The following EIF4E2 variants were observed in gnomAD, a reference collection of about 807,000 sequenced individuals.
EIF4E2 encodes the protein eukaryotic translation initiation factor 4E type 2.
EIF4E2 carries 13 observed loss-of-function variants against 34.2 expected under a neutral mutation model. The ratio of observed to expected loss-of-function variants is 0.38; its 90% confidence interval spans 0.25 to 0.60. The LOEUF (loss-of-function observed/expected upper bound fraction) is 0.60. Ranked by LOEUF, EIF4E2 falls within the 20% of genes least tolerant of loss-of-function variation. The probability of loss-of-function intolerance (pLI) is 0.62; values close to 1 mark genes in which losing one functional copy is unlikely to be tolerated. For missense variants in EIF4E2, 222 were observed against 315.1 expected (o/e 0.70, Z 2.24); for synonymous variants, 100 against 106.6 (o/e 0.94, Z 0.38).
intron 6 of EIF4E2, chr2:232,574,379 T>TA: frequency 6.5e-7 from 1 of 1,542,880 alleles, no homozygotes; most frequent in Non-Finnish European, 8.8e-7. Flanking sequence ...CCCTGTGACA[T>TA]ACCTCTCATC....
rs186994629 is a variant in EIF4E2 at position 232,553,299 on chromosome 2, G to A, written c.20+2555G>A. 1.5e-4 allele frequency among the ~76,000 whole-genome samples: 23 copies of A among 152,218 alleles called. No individual in the cohort carries two copies. The East Asian group carries it at 3.7e-3, about 24-fold the overall frequency. Reference sequence around the variant, plus strand: ...TACACAACTGTACTTGATTTTGTCCGTATTCTACATCATTTGCTTTTTATT... The same window carrying A: ...TACACAACTGTACTTGATTTTGTCCATATTCTACATCATTTGCTTTTTATT... On this transcript the variant is annotated intron_variant, in intron 1 of 6. Transcript: ENST00000258416.
In EIF4E2 at chr2:232,569,022, C is replaced by T. The variant is rs1693027348; in HGVS notation, c.*5C>T. ...CCGCGGTTGAATGTGCCATGACCCT[C>T]TCCCTCTCTGGATGGCACCATCATT... is the stretch of plus-strand genomic sequence containing the variant. On this transcript the variant is annotated 3_prime_UTR_variant, in exon 7 of 7. Transcript: ENST00000258416. The T allele has an allele frequency of 6.2e-7, 1 of 1,613,922 alleles. No homozygotes were observed. Among genetic ancestry groups the T allele is most frequent in the South Asian group, 1.1e-5 (1 of 91,016 alleles).
rs1473183998 is a variant in EIF4E2, at chr2:232,567,672, C to T, written c.665+458C>T. ...TACTTATCAGGAATGACTCCATTTC[C>T]TTGTGTATAGAGCTGACTCTTAGAA... On this transcript the variant is annotated intron_variant, in intron 6 of 6. Coordinates refer to ENST00000258416, the MANE Select transcript of EIF4E2 (RefSeq NM_004846.4). 5.9e-6 allele frequency: 6 copies of T among 1,023,222 alleles called. No individual in the cohort carries two copies. The African/African-American group carries it at 8.6e-5, about 15-fold the overall frequency. The allele number at this position is 1,023,222 out of a possible 1,614,324, so 63.4% of individuals were successfully genotyped here.
intron 1 of EIF4E2, 59 bp downstream of exon 1, chr2:232,550,803 C>T (rs1692279929): frequency 6.8e-7 from 1 of 1,477,692 alleles, no homozygotes; most frequent in Non-Finnish European, 9.1e-7. Context: ...CCGCGCCCGC[C>T]CCCGCTGGGG....
Position 232,555,649 on chromosome 2 carries a change from C to G in EIF4E2, c.21-767C>G, listed in dbSNP as rs1007661567. ...TAAGACACTGCTCTAAGGGAACTCT[C>G]TCTCTAGTAGGGAAAGCAGACATGG... On this transcript the variant is annotated intron_variant, in intron 1 of 6. Coordinates refer to ENST00000258416, the MANE Select transcript of EIF4E2 (RefSeq NM_004846.4). 3.9e-5 allele frequency among the ~76,000 whole-genome samples: 6 copies of G among 152,190 alleles called. No homozygotes were observed. In the South Asian group the frequency reaches 6.2e-4, roughly 16 times the overall value.
exon 7 of EIF4E2, chr2:232,582,972 T>G (rs990303174): frequency 6.6e-6 from 1 of 152,206 alleles, no homozygotes; most frequent in Non-Finnish European, 1.5e-5. Context: ...GGCAGCATCT[T>G]ACGCCCAGTG....
At chr2:232,564,698 G>A (rs995879758) in intron 4 of EIF4E2, among the ~76,000 whole-genome samples, 19 of 152,134 alleles carry the variant, frequency 1.2e-4, no homozygotes, top group African/African-American at 3.9e-4. Context: ...TGATCCGCCC[G>A]CCTTGGACTC....
intron 6 of EIF4E2, chr2:232,568,621 A>G: frequency 1.0e-6 from 1 of 985,438 alleles, no homozygotes; most frequent in Non-Finnish European, 1.2e-6. Flanking sequence ...CCTGGATAGG[A>G]GAGGGAAAGA....
At chr2:232,565,382 C>A (rs965696496) in intron 4 of EIF4E2, among the ~76,000 whole-genome samples, 3 of 152,134 alleles carry the variant, frequency 2.0e-5, no homozygotes, top group Non-Finnish European at 4.4e-5. Context: ...GCCTGTAATC[C>A]CAGCACTTTG....
chr2:232,567,674 T>G lies in EIF4E2; in HGVS notation c.665+460T>G, dbSNP rs1038906258. 2.9e-6 allele frequency: 3 copies of G among 1,021,758 alleles called. No homozygotes were observed. The African/African-American group carries it at 5.1e-5, about 17-fold the overall frequency. 63.3% of individuals were successfully genotyped at this position (1,021,758 alleles called of 1,614,324 possible). A position where few individuals can be genotyped will look rare whatever the true frequency, so the allele number is the denominator to read the frequency against. On this transcript the variant is annotated intron_variant, in intron 6 of 6. Transcript: ENST00000258416. ...CTTATCAGGAATGACTCCATTTCCTTGTGTATAGAGCTGACTCTTAGAAGA... is the reference window on the plus strand; with the variant it reads ...CTTATCAGGAATGACTCCATTTCCTGGTGTATAGAGCTGACTCTTAGAAGA...
chr2:232,574,432 C>A, intron 6 of EIF4E2: 1 of 1,307,588 alleles, frequency 7.6e-7, no homozygotes. Context: ...TTGCCTCTAC[C>A]AACATTGAGC....
intron 6 of EIF4E2, 112 bp from the exon 7 acceptor site, chr2:232,568,833 C>G: frequency 6.5e-7 from 1 of 1,530,828 alleles, no homozygotes; most frequent in Non-Finnish European, 8.8e-7. Context: ...GACTTCAGCC[C>G]TGTAGCTGTA....
chr2:232,567,704 G>T (rs1469345148), intron 6 of EIF4E2: 1 of 997,608 alleles, frequency 1.0e-6, no homozygotes, highest in African/African-American at 1.7e-5. Context: ...AGAAGAAGGG[G>T]GATAGTGTGT....
intron 6 of EIF4E2, among the ~76,000 whole-genome samples, chr2:232,575,364 C>T (rs529105175): frequency 2.1e-5 from 2 of 94,268 alleles, no homozygotes; most frequent in South Asian, 5.8e-4. Context: ...CCTGCACACA[C>T]AAGTGATGCC....
At chr2:232,575,976 C>CAA (rs1559323244) in intron 6 of EIF4E2, among the ~76,000 whole-genome samples, 24 of 152,074 alleles carry the variant, frequency 1.6e-4, no homozygotes, top group Non-Finnish European at 3.2e-4. Flanking sequence ...GAGGCCAAGG[C>CAA]GGGCAGATCA....
At chr2:232,561,746 A>G (rs947272091) in intron 3 of EIF4E2, among the ~76,000 whole-genome samples, 1 of 152,166 alleles carries the variant, frequency 6.6e-6, no homozygotes, top group African/African-American at 2.4e-5. Flanking sequence ...GAGCTCACCT[A>G]TTCTGATGCT....
chr2:232,571,027 G>A (rs1242723366), downstream of EIF4E2, among the ~76,000 whole-genome samples: 1 of 152,216 alleles, frequency 6.6e-6, no homozygotes, highest in African/African-American at 2.4e-5. Context: ...TGCTGGTGGT[G>A]AGGGGAGTTT....
downstream of EIF4E2, among the ~76,000 whole-genome samples, chr2:232,571,127 G>A (rs1332563848): frequency 2.0e-5 from 3 of 152,140 alleles, no homozygotes; most frequent in Non-Finnish European, 2.9e-5. Flanking sequence ...TTCAACCGTT[G>A]GGTTTTTCCA....
chr2:232,563,044 A>G (rs751810899), intron 3 of EIF4E2, among the ~76,000 whole-genome samples: 7 of 152,222 alleles, frequency 4.6e-5, no homozygotes, highest in Non-Finnish European at 8.8e-5. Flanking sequence ...CCCCATATCT[A>G]GAAGTATGAC....
Sources: gnomAD v4.1 joint callset for allele counts (sites outside exome capture counted in the v4.1 genomes callset) on GRCh38, gnomAD v4.1.1 for gene constraint, MANE v1.5 for transcripts, NCBI Gene and HGNC (gene_info 2026-07-23, HGNC 2026-07-21) for gene names.